ST6GALNAC3: variants seen among roughly 807,000 people sequenced by gnomAD.
The protein encoded by ST6GALNAC3 is alpha-N-acetylgalactosaminide alpha-2,6-sialyltransferase 3.
A neutral mutation model predicts 32.7 loss-of-function variants in ST6GALNAC3; 25 were observed. The ratio of observed to expected loss-of-function variants is 0.76; its 90% confidence interval spans 0.56 to 1.07. The LOEUF (loss-of-function observed/expected upper bound fraction) is 1.07, where lower values mean the gene tolerates loss of function less well. Ranked by LOEUF, ST6GALNAC3 falls within the 50% of genes least tolerant of loss-of-function variation. ST6GALNAC3 has a pLI of 0.00. For synonymous variants in ST6GALNAC3, 129 were observed against 133.1 expected (o/e 0.97, Z 0.21); for missense variants, 355 against 382.4 (o/e 0.93, Z 0.60).
At chr1:76,557,280 T>A (rs1664985346) in intron 3 of ST6GALNAC3, among the ~76,000 whole-genome samples, 1 of 152,092 alleles carries the variant, frequency 6.6e-6, no homozygotes, top group Admixed American at 6.6e-5. Context: ...TACCATAACT[T>A]TGTGGCAAAT....
At chr1:76,336,052 G>T (rs79734786) in intron 2 of ST6GALNAC3, among the ~76,000 whole-genome samples, 1,818 of 152,224 alleles carry the variant, frequency 0.012, 36 homozygotes, top group African/African-American at 0.042. Flanking sequence ...GGAGGGCAGG[G>T]TCATACTCTC....
At chr1:76,108,504 A>G (rs185882538) in intron 1 of ST6GALNAC3, among the ~76,000 whole-genome samples, 119 of 152,330 alleles carry the variant, frequency 7.8e-4, no homozygotes, top group African/African-American at 2.7e-3. Flanking sequence ...ATAGAGATAG[A>G]AACTCAGCTC....
intron 2 of ST6GALNAC3, among the ~76,000 whole-genome samples, chr1:76,332,954 A>T (rs1244414154): frequency 6.6e-6 from 1 of 151,968 alleles, no homozygotes. Flanking sequence ...CAACCAGAAC[A>T]CCTATAGCAA....
chr1:76,237,162 A>G (rs1218542584), intron 1 of ST6GALNAC3, among the ~76,000 whole-genome samples: 2 of 152,140 alleles, frequency 1.3e-5, no homozygotes, highest in African/African-American at 4.8e-5. Context: ...TCTGTTTTTT[A>G]TATTCTCCCC....
chr1:76,115,146 A>G (rs535952766), intron 1 of ST6GALNAC3, among the ~76,000 whole-genome samples: 1 of 152,260 alleles, frequency 6.6e-6, no homozygotes, highest in East Asian at 1.9e-4. Flanking sequence ...AAGGAGAAAA[A>G]TAGATGAGAC....
At chr1:76,215,732 G>C (rs898499477) in intron 1 of ST6GALNAC3, among the ~76,000 whole-genome samples, 1 of 152,188 alleles carries the variant, frequency 6.6e-6, no homozygotes, top group Non-Finnish European at 1.5e-5. Context: ...AGTTTGTCCT[G>C]AAGAAGAGTA....
rs1402226061 is a variant in ST6GALNAC3, at chr1:76,631,379, GA to G, written c.*2575del. The stretch of plus-strand genomic sequence containing the variant: ...TTCCAGTATAATCAGCATTTTGATA[GA>G]ATCTCACAACTTATTTTTCTCTGCT... On this transcript the variant is annotated 3_prime_UTR_variant, in exon 5 of 5. Coordinates refer to ENST00000328299, the MANE Select transcript of ST6GALNAC3 (RefSeq NM_152996.4). 1 of 149,198 alleles carries G rather than the reference GA, an allele frequency of 6.7e-6. No homozygotes were observed. Among genetic ancestry groups the G allele is most frequent in the Non-Finnish European group, 1.5e-5 (1 of 67,552 alleles). The allele number at this position is 149,198 out of a possible 1,614,324, so 9.2% of individuals were successfully genotyped here. A position where few individuals can be genotyped will look rare whatever the true frequency, so the allele number is the denominator to read the frequency against.
chr1:76,601,917 A>G (rs960037608), intron 3 of ST6GALNAC3, among the ~76,000 whole-genome samples: 3 of 152,172 alleles, frequency 2.0e-5, no homozygotes, highest in Admixed American at 6.5e-5. Context: ...AAAATCCAAT[A>G]CTGGGTCCTG....
Position 76,630,272 on chromosome 1 carries a change from T to C in ST6GALNAC3, c.*1466T>C. 1 of 985,224 alleles carries C rather than the reference T, an allele frequency of 1.0e-6. No individual in the cohort carries two copies. The highest frequency in any genetic ancestry group is 1.2e-6 in the Non-Finnish European group (1 of 829,826). The allele number at this position is 985,224 out of a possible 1,614,324, so 61.0% of individuals were successfully genotyped here. On this transcript the variant is annotated 3_prime_UTR_variant, in exon 5 of 5. Transcript: ENST00000328299. ...GTATCACAAAGGATGGTCTTGGCCA[T>C]ATGCTAGGGCCCCTGTGAAAATAAG...
At chr1:76,437,520 A>C (rs1461610611) in intron 3 of ST6GALNAC3, among the ~76,000 whole-genome samples, 1 of 151,292 alleles carries the variant, frequency 6.6e-6, no homozygotes, top group Non-Finnish European at 1.5e-5. Flanking sequence ...TTTTTTTTTT[A>C]ACTTGTCAAA....
chr1:76,236,418 G>A (rs2100652966), intron 1 of ST6GALNAC3, among the ~76,000 whole-genome samples: 1 of 152,264 alleles, frequency 6.6e-6, no homozygotes, highest in African/African-American at 2.4e-5. Flanking sequence ...TACAAAAATT[G>A]CTATGTGAGG....
At position 76,633,515 on chromosome 1, in the gene ST6GALNAC3, G is replaced by C. The variant is rs936883526; in HGVS notation, c.*4709G>C. On this transcript the variant is annotated 3_prime_UTR_variant, in exon 5 of 5. Transcript: ENST00000328299. Reference sequence around the variant, plus strand: ...AGTTTCTTAGTTTCTCTTTGTGATTGAGGATGAGCAAGCCATTGATACACC... The same window carrying C: ...AGTTTCTTAGTTTCTCTTTGTGATTCAGGATGAGCAAGCCATTGATACACC... 1 of 152,144 alleles carries C rather than the reference G, an allele frequency of 6.6e-6. No homozygotes were observed. The highest frequency in any genetic ancestry group is 1.5e-5 in the Non-Finnish European group (1 of 68,040). 9.4% of individuals were successfully genotyped at this position (152,144 alleles called of 1,614,324 possible).
rs187888973 is a variant in ST6GALNAC3 at position 76,626,717 on chromosome 1, G to A, written c.624-735G>A. Reference sequence around the variant, plus strand: ...ATCTTTGTTCCCATGATCAAAGAAGGCTTTCCTAGCCAAACTTTATAATAT... The same window carrying A: ...ATCTTTGTTCCCATGATCAAAGAAGACTTTCCTAGCCAAACTTTATAATAT... On this transcript the variant is annotated intron_variant, in intron 3 of 4. Coordinates refer to ENST00000328299, the MANE Select transcript of ST6GALNAC3 (RefSeq NM_152996.4). Among the ~76,000 whole-genome samples the A allele has an allele frequency of 5.1e-4, 77 of 151,846 alleles. 1 individual carries two copies. In the East Asian group the frequency reaches 0.012, roughly 24 times the overall value.
intron 3 of ST6GALNAC3, among the ~76,000 whole-genome samples, chr1:76,589,470 A>G (rs315040): frequency 0.85 from 128,781 of 151,916 alleles, 54,631 homozygotes; most frequent in Middle Eastern, 0.88. Flanking sequence ...AGCTTTCCAC[A>G]ATCCCCTTCT....
At chr1:76,602,933 G>C (rs999581934) in intron 3 of ST6GALNAC3, among the ~76,000 whole-genome samples, 25 of 151,960 alleles carry the variant, frequency 1.6e-4, no homozygotes, top group Middle Eastern at 3.4e-3. Context: ...AACCTGAAGA[G>C]GCATTTCACA....
chr1:76,453,973 A>G (rs1420645908), intron 3 of ST6GALNAC3, among the ~76,000 whole-genome samples: 1 of 152,082 alleles, frequency 6.6e-6, no homozygotes, highest in Non-Finnish European at 1.5e-5. Context: ...TGTCAGATGC[A>G]TATATTCTTG....
chr1:76,552,168 G>A (rs1391254616), intron 3 of ST6GALNAC3, among the ~76,000 whole-genome samples: 3 of 152,162 alleles, frequency 2.0e-5, no homozygotes, highest in Admixed American at 1.3e-4. Context: ...CCTCTCTGGA[G>A]CAATGCTGTC....
At chr1:76,336,320 C>A (rs772831510) in intron 2 of ST6GALNAC3, among the ~76,000 whole-genome samples, 19 of 152,190 alleles carry the variant, frequency 1.2e-4, no homozygotes, top group Non-Finnish European at 2.5e-4. Flanking sequence ...ATTTGCAGGG[C>A]ACAGAATATT....
At chr1:76,398,975 T>C (rs191966868) in intron 2 of ST6GALNAC3, among the ~76,000 whole-genome samples, 1 of 152,322 alleles carries the variant, frequency 6.6e-6, no homozygotes. Context: ...TTCTGGATTA[T>C]GAATGATAAG....
Sources: allele counts gnomAD v4.1 joint callset (sites outside exome capture counted in the v4.1 genomes callset), GRCh38; gene constraint gnomAD v4.1.1; transcripts MANE v1.5; gene names NCBI Gene and HGNC (gene_info 2026-07-23, HGNC 2026-07-21).